Variants in CACNG4 observed in about 807,000 individuals in gnomAD.
The protein encoded by CACNG4 is calcium voltage-gated channel auxiliary subunit gamma 4, also known as voltage-dependent calcium channel gamma-4 subunit.
A neutral mutation model predicts 22.9 loss-of-function variants in CACNG4; 8 were observed. The ratio of observed to expected loss-of-function variants is 0.35; its 90% CI spans 0.21 to 0.63. CACNG4 has a LOEUF of 0.63. Among genes scored for constraint, CACNG4 ranks in the 30% least tolerant of loss-of-function variants. The pLI is 0.72. For synonymous variants in CACNG4, 188 were observed against 191.9 expected (o/e 0.98, Z 0.17); for missense variants, 357 against 455.4 (o/e 0.78, Z 1.97).
At chr17:66,985,325 A>C (rs1159593146) in intron 1 of CACNG4, among the ~76,000 whole-genome samples, 1 of 152,244 alleles carries the variant, frequency 6.6e-6, no homozygotes, top group Non-Finnish European at 1.5e-5. Flanking sequence ...CTACTGCTCA[A>C]GCAGCATTCG....
chr17:66,995,426 G>A (rs1197541990), intron 1 of CACNG4, among the ~76,000 whole-genome samples: 1 of 152,180 alleles, frequency 6.6e-6, no homozygotes, highest in Non-Finnish European at 1.5e-5. Flanking sequence ...GGCACTGGAA[G>A]GGCAGAATGG....
chr17:67,022,602 A>G (rs1426362745), intron 2 of CACNG4, among the ~76,000 whole-genome samples: 1 of 152,254 alleles, frequency 6.6e-6, no homozygotes, highest in Non-Finnish European at 1.5e-5. Context: ...GCGTTCACAA[A>G]AAAGGAGACA....
chr17:66,999,368 G>A (rs61199390), intron 1 of CACNG4, among the ~76,000 whole-genome samples: 26,160 of 152,008 alleles, frequency 0.17, 4,557 homozygotes, highest in African/African-American at 0.44. Context: ...CTTCGGTCCT[G>A]TGTTCTGTAT....
chr17:66,978,204 C>T (rs1267089589), intron 1 of CACNG4, among the ~76,000 whole-genome samples: 1 of 152,180 alleles, frequency 6.6e-6, no homozygotes, highest in Admixed American at 6.5e-5. Flanking sequence ...AGTCATTGCA[C>T]CTCCTTTGAA....
At chr17:67,029,148 A>G (rs1049151295) in intron 3 of CACNG4, among the ~76,000 whole-genome samples, 6 of 151,682 alleles carry the variant, frequency 4.0e-5, no homozygotes, top group African/African-American at 1.5e-4. Flanking sequence ...GCCTAGCCAC[A>G]TGGTGAAACC....
rs144720369 is a variant in CACNG4 at position 67,028,225 on chromosome 17, C to T, written c.446-2241C>T. On this transcript the variant is annotated intron_variant, in intron 3 of 3. Coordinates refer to ENST00000262138, the MANE Select transcript of CACNG4 (RefSeq NM_014405.4). ...ACAGAGAATGGACAGAGGACGTGGACGGTGCAGAGACAAACACAACACAGC... is the reference window on the plus strand; with the variant it reads ...ACAGAGAATGGACAGAGGACGTGGATGGTGCAGAGACAAACACAACACAGC... Among the ~76,000 whole-genome samples the T allele has an allele frequency of 1.5e-3, 233 of 152,180 alleles. No homozygotes were observed. In the Middle Eastern group the frequency reaches 0.017, roughly 11 times the overall value.
At chr17:67,026,320 T>C (rs2035566001) in intron 3 of CACNG4, among the ~76,000 whole-genome samples, 1 of 148,952 alleles carries the variant, frequency 6.7e-6, no homozygotes, top group Admixed American at 6.7e-5. Context: ...TGTGTGTGTA[T>C]TTGAGGACTG....
At chr17:67,009,148 G>T (rs2035453867) in intron 1 of CACNG4, among the ~76,000 whole-genome samples, 1 of 152,164 alleles carries the variant, frequency 6.6e-6, no homozygotes, top group African/African-American at 2.4e-5. Context: ...GCAGAGTCAT[G>T]GAAGAGCTTT....
intron 1 of CACNG4, among the ~76,000 whole-genome samples, chr17:67,016,202 A>G (rs2035496528): frequency 1.3e-5 from 2 of 152,206 alleles, no homozygotes; most frequent in African/African-American, 4.8e-5. Context: ...TCCCCAGGAT[A>G]TAAGGGCTGT....
At chr17:66,974,878 C>T (rs1026342379) in intron 1 of CACNG4, among the ~76,000 whole-genome samples, 43 of 152,150 alleles carry the variant, frequency 2.8e-4, no homozygotes, top group African/African-American at 9.9e-4. Context: ...TGGAAGCCGC[C>T]GCATCAGATG....
intron 1 of CACNG4, among the ~76,000 whole-genome samples, chr17:66,965,913 C>T (rs921394598): frequency 1.3e-5 from 2 of 152,130 alleles, no homozygotes; most frequent in African/African-American, 4.8e-5. Context: ...GGTCGCGGCC[C>T]CTCAGCAGGG....
chr17:67,024,150 C>T (rs2035549215), intron 2 of CACNG4, among the ~76,000 whole-genome samples: 2 of 152,206 alleles, frequency 1.3e-5, no homozygotes, highest in Admixed American at 1.3e-4. Flanking sequence ...AGCCACACCT[C>T]CCCTGCGACT....
In CACNG4 at chr17:67,030,304, C is replaced by T. The variant is rs926665113; in HGVS notation, c.446-162C>T. On this transcript the variant is annotated intron_variant, in intron 3 of 3. Coordinates refer to ENST00000262138, the MANE Select transcript of CACNG4 (RefSeq NM_014405.4). This position sits in a 1 kb window ranked among gnomAD's most constrained non-coding sequence, Gnocchi z 6.4. ...TGAACTTTGTACTCTATTACCCATT[C>T]AACATTAATTACTGAAAAGAAAAAT... Among the ~76,000 whole-genome samples the T allele has an allele frequency of 2.6e-5, 4 of 152,056 alleles. No individual in the cohort carries two copies. Among genetic ancestry groups the T allele is most frequent in the African/African-American group, 9.7e-5 (4 of 41,380 alleles).
At chr17:67,020,919 T>G (rs905625702) in intron 2 of CACNG4, among the ~76,000 whole-genome samples, 1 of 152,220 alleles carries the variant, frequency 6.6e-6, no homozygotes, top group Admixed American at 6.5e-5. Flanking sequence ...AACAAGTTAT[T>G]GCAGCCAGAT....
chr17:66,999,812 C>T (rs2035397392), intron 1 of CACNG4, among the ~76,000 whole-genome samples: 1 of 152,210 alleles, frequency 6.6e-6, no homozygotes, highest in South Asian at 2.1e-4. Context: ...ACCATATCAA[C>T]TGGCAAAAGC....
intron 1 of CACNG4, among the ~76,000 whole-genome samples, chr17:66,972,783 G>A (rs957731107): frequency 2.6e-5 from 4 of 151,612 alleles, no homozygotes; most frequent in Admixed American, 6.6e-5. Context: ...AAAATTAGCC[G>A]GGCGTAGTGG....
At chr17:66,983,436 TGGA>T (rs759571331) in intron 1 of CACNG4, among the ~76,000 whole-genome samples, 3 of 152,262 alleles carry the variant, frequency 2.0e-5, no homozygotes, top group Non-Finnish European at 4.4e-5. Context: ...CTACCCAGGC[TGGA>T]GGAGGAGTTT....
At chr17:66,994,162 C>A (rs1261346632) in intron 1 of CACNG4, among the ~76,000 whole-genome samples, 2 of 151,964 alleles carry the variant, frequency 1.3e-5, no homozygotes, top group African/African-American at 4.8e-5. Flanking sequence ...GAAACCCTGT[C>A]TCTACTAAAA....
intron 2 of CACNG4, among the ~76,000 whole-genome samples, chr17:67,021,909 T>C (rs914734710): frequency 2.0e-5 from 3 of 152,172 alleles, no homozygotes; most frequent in African/African-American, 7.2e-5. Flanking sequence ...CCACCTGCGC[T>C]GTGCCCGACC....
Sources: gnomAD v4.1 joint callset for allele counts (sites outside exome capture counted in the v4.1 genomes callset) on GRCh38, gnomAD v4.1.1 for gene constraint, Gnocchi (gnomAD v3.1) non-coding constraint, MANE v1.5 for transcripts, NCBI Gene and HGNC (gene_info 2026-07-23, HGNC 2026-07-21) for gene names.